PTMS: variants seen among roughly 807,000 people sequenced by gnomAD.
PTMS encodes parathymosin.
PTMS carries 5 observed loss-of-function variants against 18.4 expected under a neutral mutation model. The observed-to-expected ratio is 0.27, with a 90% CI of 0.14 to 0.57. The LOEUF (loss-of-function observed/expected upper bound fraction) is 0.57, where lower values mean the gene tolerates loss of function less well. Among genes scored for constraint, PTMS ranks in the 20% least tolerant of loss-of-function variants. PTMS has a pLI of 0.92. For synonymous variants in PTMS, 53 were observed against 47.7 expected, an observed-to-expected ratio of 1.11 and a Z score of -0.46; for missense variants, 93 against 124.6, an observed-to-expected ratio of 0.75 and a Z score of 1.21.
rs746734501 is a variant in PTMS, at chr12:6,770,480, G to T, written c.*38G>T. 6.2e-7 allele frequency: 1 copy of T among 1,605,078 alleles called. No homozygotes were observed. The highest frequency in any genetic ancestry group is 8.5e-7 in the Non-Finnish European group (1 of 1,172,432). On this transcript the variant is annotated 3_prime_UTR_variant, in exon 5 of 5. Coordinates refer to ENST00000309083, the MANE Select transcript of PTMS (RefSeq NM_002824.6). This position sits in a 1 kb window ranked among gnomAD's most constrained non-coding sequence, Gnocchi z 7.3. Reference sequence around the variant, plus strand: ...AGGCTGGGGTTGGGAGGCCTCTCTGGGCCTGGAGGTGGGGGTGGGGGCAGC... The same window carrying T: ...AGGCTGGGGTTGGGAGGCCTCTCTGTGCCTGGAGGTGGGGGTGGGGGCAGC...
intron 1 of PTMS, among the ~76,000 whole-genome samples, chr12:6,767,808 G>A (rs1238985955): frequency 6.6e-6 from 1 of 152,248 alleles, no homozygotes; most frequent in Non-Finnish European, 1.5e-5. Context: ...GAAATCCAGC[G>A]AGTGTGTGGG....
intron 1 of PTMS, among the ~76,000 whole-genome samples, chr12:6,768,727 G>A (rs1247282559): frequency 4.6e-5 from 7 of 152,190 alleles, no homozygotes; most frequent in Non-Finnish European, 1.0e-4. Flanking sequence ...AGCACAGGAC[G>A]TCAACCTATG....
At position 6,770,800 on chromosome 12, in the gene PTMS, T is replaced by G; in HGVS notation, c.*358T>G. On this transcript the variant is annotated 3_prime_UTR_variant, in exon 5 of 5. Coordinates refer to ENST00000309083, the MANE Select transcript of PTMS (RefSeq NM_002824.6). The surrounding 1 kb of genome is among the most constrained non-coding windows in gnomAD (Gnocchi z 7.3). ...AGCCTCATGTCCTGCCCCATCCCTATCCTGCCTGATCCCTGGATCTCCCTC... is the reference window on the plus strand; with the variant it reads ...AGCCTCATGTCCTGCCCCATCCCTAGCCTGCCTGATCCCTGGATCTCCCTC... 1 of 284,504 alleles carries G rather than the reference T, an allele frequency of 3.5e-6. No homozygotes were observed. The highest frequency in any genetic ancestry group is 4.6e-5 in the Admixed American group (1 of 21,910). 17.6% of individuals were successfully genotyped at this position (284,504 alleles called of 1,614,324 possible).
At chr12:6,768,189 T>C (rs1442755876) in intron 1 of PTMS, among the ~76,000 whole-genome samples, 2 of 152,208 alleles carry the variant, frequency 1.3e-5, no homozygotes, top group Non-Finnish European at 2.9e-5. Context: ...GTCTCTGGTA[T>C]TCTCCCTCCC....
At chr12:6,769,536 G>T in intron 1 of PTMS, 67 bp from the exon 2 acceptor site, 1 of 1,521,840 alleles carries the variant, frequency 6.6e-7, no homozygotes, top group Non-Finnish European at 9.1e-7. Flanking sequence ...GGGAGAACTG[G>T]GGCTGCAGGG....
chr12:6,770,138 C>T lies in PTMS; in HGVS notation c.197-19C>T. ...AGAGCTTCCTGCCCTTCCCCAATGA[C>T]CCATTTCTGGCTCCTCAGATGAGGA... On this transcript the variant is annotated intron_variant, in intron 3 of 4. Coordinates refer to ENST00000309083, the MANE Select transcript of PTMS (RefSeq NM_002824.6). The surrounding 1 kb of genome is among the most constrained non-coding windows in gnomAD (Gnocchi z 7.3). The T allele has an allele frequency of 6.2e-7, 1 of 1,613,826 alleles. No homozygotes were observed. Among genetic ancestry groups the T allele is most frequent in the South Asian group, 1.1e-5 (1 of 91,068 alleles).
In PTMS at chr12:6,770,435, C is replaced by T. The variant is rs763833392; in HGVS notation, c.302C>T (p.Ser101Leu). 10 of 1,607,430 alleles carry T rather than the reference C, an allele frequency of 6.2e-6. No individual in the cohort carries two copies. Among genetic ancestry groups the T allele is most frequent in the South Asian group, 4.4e-5 (4 of 90,898 alleles). Residue 101 changes from serine (S) to leucine (L), a missense_variant, in exon 5 of 5, where the codon TCG (serine) becomes TTG (leucine). Physicochemically the swap from Ser to Leu is moderately radical, Grantham distance 145. Transcript: ENST00000309083. This position sits in a 1 kb window ranked among gnomAD's most constrained non-coding sequence, Gnocchi z 7.3. ...CGGCAGAAGACAGAAAATGGGGCAT[C>T]GGCGTGAGCCCCTGCCAACAGGCTG... ...PKRQKTENGA[S>L]A
Position 6,766,689 on chromosome 12 carries a change from GC to G in PTMS, c.-13del, listed in dbSNP as rs1175013350. 1.1e-5 allele frequency: 12 copies of G among 1,127,560 alleles called. No individual in the cohort carries two copies. The Admixed American group carries it at 1.3e-4, about 12-fold the overall frequency. The allele number at this position is 1,127,560 out of a possible 1,614,324, so 69.8% of individuals were successfully genotyped here. On this transcript the variant is annotated 5_prime_UTR_variant, in exon 1 of 5. Coordinates refer to ENST00000309083, the MANE Select transcript of PTMS (RefSeq NM_002824.6). ...GGACCCCGGCTCCCCGCCAGCCCCG[GC>G]CCCGGCCCCGGCACCATGTCGGAGA...
Position 6,766,761 on chromosome 12 carries a change from G to GGGCGGC in PTMS, c.45+18_45+23dup. ...GAGTTGAGCGCCAAGGTACGGGCGG[G>GGGCGGC]GGCGGCGGCGGCCCGGACCTCGCGC... is the stretch of plus-strand genomic sequence containing the variant. On this transcript the variant is annotated intron_variant, in intron 1 of 4. Coordinates refer to ENST00000309083, the MANE Select transcript of PTMS (RefSeq NM_002824.6). The GGGCGGC allele has an allele frequency of 9.3e-7, 1 of 1,070,098 alleles. No individual in the cohort carries two copies. 66.3% of individuals were successfully genotyped at this position (1,070,098 alleles called of 1,614,324 possible).
At chr12:6,768,183 C>A (rs1941796641) in intron 1 of PTMS, among the ~76,000 whole-genome samples, 2 of 152,226 alleles carry the variant, frequency 1.3e-5, no homozygotes, top group Middle Eastern at 3.2e-3. Flanking sequence ...ACTTTGGTCT[C>A]TGGTATTCTC....
chr12:6,769,146 GGAGA>G (rs1338116068), intron 1 of PTMS: 3 of 218,950 alleles, frequency 1.4e-5, no homozygotes, highest in Non-Finnish European at 2.7e-5. Flanking sequence ...GGGATGCCCA[GGAGA>G]GAGAGTCCTC....
chr12:6,770,107 T>G lies in PTMS; in HGVS notation c.197-50T>G, dbSNP rs1225066726. The G allele has an allele frequency of 6.2e-7, 1 of 1,612,728 alleles. No homozygotes were observed. Among genetic ancestry groups the G allele is most frequent in the Non-Finnish European group, 8.5e-7 (1 of 1,179,524 alleles). On this transcript the variant is annotated intron_variant, in intron 3 of 4. Transcript: ENST00000309083. The surrounding 1 kb of genome is among the most constrained non-coding windows in gnomAD (Gnocchi z 7.3). Reference sequence around the variant, plus strand: ...CAGGGCTGAGGGCGACCACGGGGGCTCTGCCAGAGCTTCCTGCCCTTCCCC... The same window carrying G: ...CAGGGCTGAGGGCGACCACGGGGGCGCTGCCAGAGCTTCCTGCCCTTCCCC...
chr12:6,766,653 T>C lies in PTMS; in HGVS notation c.-53T>C, dbSNP rs1941769286. On this transcript the variant is annotated 5_prime_UTR_variant, in exon 1 of 5. Transcript: ENST00000309083. ...CCCTCCGCCGTCCAGGGCCCCTCCG[T>C]CTCGGCCCCGGGACCCCGGCTCCCC... 9.4e-7 allele frequency: 1 copy of C among 1,067,736 alleles called. No homozygotes were observed. Among genetic ancestry groups the C allele is most frequent in the Non-Finnish European group, 1.1e-6 (1 of 871,424 alleles). The allele number at this position is 1,067,736 out of a possible 1,614,324, so 66.1% of individuals were successfully genotyped here. A position where few individuals can be genotyped will look rare whatever the true frequency, so the allele number is the denominator to read the frequency against.
intron 1 of PTMS, among the ~76,000 whole-genome samples, chr12:6,768,540 G>A (rs1175850315): frequency 6.6e-6 from 1 of 152,160 alleles, no homozygotes; most frequent in Non-Finnish European, 1.5e-5. Context: ...ATCTCACACA[G>A]GAGACTTCCA....
Position 6,770,100 on chromosome 12 carries a change from C to CG in PTMS, c.197-52dup. On this transcript the variant is annotated intron_variant, in intron 3 of 4. Coordinates refer to ENST00000309083, the MANE Select transcript of PTMS (RefSeq NM_002824.6). The surrounding 1 kb of genome is among the most constrained non-coding windows in gnomAD (Gnocchi z 7.3). Reference sequence around the variant, plus strand: ...CCTGAAGCAGGGCTGAGGGCGACCACGGGGGCTCTGCCAGAGCTTCCTGCC... The same window carrying CG: ...CCTGAAGCAGGGCTGAGGGCGACCACGGGGGGCTCTGCCAGAGCTTCCTGCC... The CG allele has an allele frequency of 6.2e-7, 1 of 1,612,102 alleles. No individual in the cohort carries two copies. The highest frequency in any genetic ancestry group is 8.5e-7 in the Non-Finnish European group (1 of 1,179,146).
At position 6,766,588 on chromosome 12, in the gene PTMS, C is replaced by A; in HGVS notation, c.-118C>A. 2.1e-6 allele frequency: 1 copy of A among 482,000 alleles called. No homozygotes were observed. Among genetic ancestry groups the A allele is most frequent in the Non-Finnish European group, 2.9e-6 (1 of 342,070 alleles). The allele number at this position is 482,000 out of a possible 1,614,324, so 29.9% of individuals were successfully genotyped here. On this transcript the variant is annotated 5_prime_UTR_variant, in exon 1 of 5. Coordinates refer to ENST00000309083, the MANE Select transcript of PTMS (RefSeq NM_002824.6). ...CGAGCGGCCGCCGCTGCCGCTGTCG[C>A]CGCCGCCGCCGCCACCGCGCCAGGT... is the stretch of plus-strand genomic sequence containing the variant.
Position 6,770,872 on chromosome 12 carries a change from T to G in PTMS, c.*430T>G. ...CGCCAGGCCGGGGTGGGGCCGGGGT[T>G]GGGGCCGAGCCCCACAGCTGCCCCC... On this transcript the variant is annotated 3_prime_UTR_variant, in exon 5 of 5. Transcript: ENST00000309083. The surrounding 1 kb of genome is among the most constrained non-coding windows in gnomAD (Gnocchi z 7.3). 5.4e-6 allele frequency: 1 copy of G among 185,668 alleles called. No individual in the cohort carries two copies. Among genetic ancestry groups the G allele is most frequent in the Middle Eastern group, 2.4e-3 (1 of 416 alleles). The allele number at this position is 185,668 out of a possible 1,614,324, so 11.5% of individuals were successfully genotyped here.
Position 6,769,473 on chromosome 12 carries a change from C to T in PTMS, c.46-130C>T, listed in dbSNP as rs896337811. The T allele has an allele frequency of 5.9e-6, 6 of 1,010,760 alleles. No homozygotes were observed. In the Admixed American group the frequency reaches 7.2e-5, roughly 12 times the overall value. The allele number at this position is 1,010,760 out of a possible 1,614,324, so 62.6% of individuals were successfully genotyped here. ...AAGGACCCTAGGGCCCCTATTCTGT[C>T]TCTAAGCTGTGGCCACCTTATTCAG... On this transcript the variant is annotated intron_variant, in intron 1 of 4. Transcript: ENST00000309083.
chr12:6,768,794 C>T (rs1285453717), intron 1 of PTMS, among the ~76,000 whole-genome samples: 3 of 152,116 alleles, frequency 2.0e-5, no homozygotes, highest in African/African-American at 7.2e-5. Context: ...GTCTCCTAGA[C>T]TGGTCCCTCC....
Sources: allele counts gnomAD v4.1 joint callset (sites outside exome capture counted in the v4.1 genomes callset), GRCh38; gene constraint gnomAD v4.1.1; non-coding constraint Gnocchi (gnomAD v3.1); transcripts MANE v1.5; gene names NCBI Gene and HGNC (gene_info 2026-07-23, HGNC 2026-07-21).